Variants in GPD2 observed in about 807,000 individuals in gnomAD.
The protein encoded by GPD2 is glycerol-3-phosphate dehydrogenase, mitochondrial.
GPD2 carries 54 observed loss-of-function variants against 82.4 expected under a neutral mutation model. The ratio of observed to expected loss-of-function variants is 0.66; its 90% CI spans 0.53 to 0.82. The LOEUF is 0.82. Ranked by LOEUF, GPD2 falls within the 40% of genes least tolerant of loss-of-function variation. The probability of loss-of-function intolerance (pLI) is 0.00; values close to 1 mark genes in which losing one functional copy is unlikely to be tolerated. For missense variants in GPD2, 748 were observed against 896.2 expected (o/e 0.83, Z 2.11); for synonymous variants, 288 against 306.1 (o/e 0.94, Z 0.62).
At chr2:156,484,204 G>C (rs36012397) in intron 2 of GPD2, among the ~76,000 whole-genome samples, 1 of 151,394 alleles carries the variant, frequency 6.6e-6, no homozygotes, top group Non-Finnish European at 1.5e-5. Context: ...GCGGGATCTC[G>C]GCTCACTGCA....
At chr2:156,458,704 C>T (rs942507758) in intron 1 of GPD2, among the ~76,000 whole-genome samples, 1 of 152,144 alleles carries the variant, frequency 6.6e-6, no homozygotes, top group East Asian at 1.9e-4. Flanking sequence ...AAGTAATGGT[C>T]AGATGATATG....
chr2:156,505,905 A>T (rs1684771034), intron 3 of GPD2, among the ~76,000 whole-genome samples: 1 of 152,220 alleles, frequency 6.6e-6, no homozygotes, highest in Non-Finnish European at 1.5e-5. Flanking sequence ...TTTTGAGGTG[A>T]GGAAACAATT....
chr2:156,464,332 C>T (rs1683082428), intron 1 of GPD2, among the ~76,000 whole-genome samples: 1 of 152,158 alleles, frequency 6.6e-6, no homozygotes, highest in Non-Finnish European at 1.5e-5. Flanking sequence ...ATTTTCACTA[C>T]AGTACGTCTC....
intron 9 of GPD2, among the ~76,000 whole-genome samples, chr2:156,564,395 G>A (rs768014917): frequency 7.2e-5 from 11 of 152,126 alleles, no homozygotes; most frequent in Non-Finnish European, 1.0e-4. Flanking sequence ...TTTCGTTAGG[G>A]TTTAACAATG....
At chr2:156,410,691 T>A in the GPD2 span, among the ~76,000 whole-genome samples, 2 of 152,338 alleles carry the variant, frequency 1.3e-5, no homozygotes, top group Admixed American at 6.5e-5. Context: ...ACATTTGTCT[T>A]TATTTTTTAG....
At chr2:156,448,654 G>A (rs1033699895) in intron 1 of GPD2, among the ~76,000 whole-genome samples, 3 of 152,196 alleles carry the variant, frequency 2.0e-5, no homozygotes, top group African/African-American at 7.2e-5. Flanking sequence ...ATGCAAAGTT[G>A]AGGAGCAGAG....
chr2:156,538,924 A>G (rs1252798173), intron 6 of GPD2, among the ~76,000 whole-genome samples: 1 of 152,078 alleles, frequency 6.6e-6, no homozygotes, highest in Non-Finnish European at 1.5e-5. Flanking sequence ...ATATCTGTTA[A>G]AGATATCTTT....
At chr2:156,445,555 C>A (rs1426934956) in intron 1 of GPD2, among the ~76,000 whole-genome samples, 1 of 152,160 alleles carries the variant, frequency 6.6e-6, no homozygotes, top group Non-Finnish European at 1.5e-5. Context: ...TTGTAGGAAT[C>A]CACGAAGTTG....
the GPD2 span, among the ~76,000 whole-genome samples, chr2:156,416,640 G>A: frequency 2.6e-5 from 4 of 151,484 alleles, no homozygotes; most frequent in Non-Finnish European, 5.9e-5. Context: ...TAGGATTATA[G>A]GTGTGAGCTT....
chr2:156,420,076 G>A, the GPD2 span, among the ~76,000 whole-genome samples: 1 of 152,084 alleles, frequency 6.6e-6, no homozygotes, highest in South Asian at 2.1e-4. Context: ...GAAATATTTG[G>A]CATCCTAACA....
intron 1 of GPD2, among the ~76,000 whole-genome samples, chr2:156,452,617 A>G (rs887332438): frequency 6.6e-5 from 10 of 152,234 alleles, no homozygotes; most frequent in Non-Finnish European, 1.2e-4. Context: ...GAAGGAAAGC[A>G]GAGACGTGGA....
chr2:156,447,323 C>G (rs771352189), intron 1 of GPD2, among the ~76,000 whole-genome samples: 2 of 152,100 alleles, frequency 1.3e-5, no homozygotes, highest in Admixed American at 6.6e-5. Flanking sequence ...TCTTCGATCT[C>G]AGATGAATCT....
intron 3 of GPD2, among the ~76,000 whole-genome samples, chr2:156,501,001 C>T (rs1558930389): frequency 6.6e-6 from 1 of 152,130 alleles, no homozygotes; most frequent in Non-Finnish European, 1.5e-5. Context: ...CCAAAGGAAG[C>T]TGGAAAAGGA....
At position 156,583,393 on chromosome 2, in the gene GPD2, A is replaced by G. The variant is rs1347463857; in HGVS notation, c.*475A>G. 5.6e-6 allele frequency: 1 copy of G among 180,172 alleles called. No homozygotes were observed. Among genetic ancestry groups the G allele is most frequent in the African/African-American group, 2.4e-5 (1 of 41,834 alleles). The allele number at this position is 180,172 out of a possible 1,614,324, so 11.2% of individuals were successfully genotyped here. On this transcript the variant is annotated 3_prime_UTR_variant, in exon 17 of 17. Coordinates refer to ENST00000438166, the MANE Select transcript of GPD2 (RefSeq NM_000408.5). Reference sequence around the variant, plus strand: ...ATAGACAGCATGTGTTATTAAAAAGAGTTACCTATTGAAATGATAGTGTTT... The same window carrying G: ...ATAGACAGCATGTGTTATTAAAAAGGGTTACCTATTGAAATGATAGTGTTT...
chr2:156,538,863 T>G (rs1209435255), intron 6 of GPD2, among the ~76,000 whole-genome samples: 1 of 145,484 alleles, frequency 6.9e-6, no homozygotes, highest in East Asian at 2.0e-4. Flanking sequence ...CTAGTAACTA[T>G]AGAGTTCAAG....
At chr2:156,452,916 T>C (rs527435030) in intron 1 of GPD2, among the ~76,000 whole-genome samples, 1 of 152,202 alleles carries the variant, frequency 6.6e-6, no homozygotes, top group East Asian at 1.9e-4. Context: ...ATTTGGGTGG[T>C]GGGAAGATGA....
In GPD2 at chr2:156,571,157, T is replaced by C. The variant is rs576793960; in HGVS notation, c.1632T>C (p.Tyr544=). 29 of 1,609,720 alleles carry C rather than the reference T, an allele frequency of 1.8e-5. No homozygotes were observed. The highest frequency in any genetic ancestry group is 2.4e-5 in the Non-Finnish European group (28 of 1,175,972). Residue 544 remains tyrosine, a synonymous_variant, in exon 13 of 17, where the codon TAT becomes TAC. Transcript: ENST00000438166. The stretch of plus-strand genomic sequence containing the variant: ...AGGTGAAATATGGGATTAAGGAGTA[T>C]GCCTGCACTGCTGTGGATATGATTT... ...EAEVKYGIKE[Y]ACTAVDMISR...
chr2:156,551,768 T>A (rs1686767803), intron 8 of GPD2, among the ~76,000 whole-genome samples: 1 of 152,160 alleles, frequency 6.6e-6, no homozygotes, highest in Non-Finnish European at 1.5e-5. Flanking sequence ...TAATGTCAAT[T>A]TAGAGTATAG....
intron 1 of GPD2, among the ~76,000 whole-genome samples, chr2:156,465,050 C>T (rs1683104452): frequency 1.3e-5 from 2 of 152,112 alleles, no homozygotes; most frequent in South Asian, 2.1e-4. Flanking sequence ...GGGGCTTCAC[C>T]ATGTTGGCCA....
Sources: gnomAD v4.1 joint callset for allele counts (sites outside exome capture counted in the v4.1 genomes callset) on GRCh38, gnomAD v4.1.1 for gene constraint, MANE v1.5 for transcripts, NCBI Gene and HGNC (gene_info 2026-07-23, HGNC 2026-07-21) for gene names.